The following COG5 variants were observed in gnomAD, a reference collection of about 807,000 sequenced individuals.
COG5 encodes conserved oligomeric Golgi complex subunit 5.
A neutral mutation model predicts 110.4 loss-of-function variants in COG5; 86 were observed. The ratio of observed to expected loss-of-function variants is 0.78; its 90% CI spans 0.65 to 0.93. The LOEUF (loss-of-function observed/expected upper bound fraction) is 0.93. Among genes scored for constraint, COG5 ranks in the 40% least tolerant of loss-of-function variants. The pLI, the probability that COG5 is intolerant of heterozygous loss-of-function variation, is 0.00. For missense variants in COG5, 1,077 were observed against 987.0 expected (o/e 1.09, Z -1.22); for synonymous variants, 360 against 334.6 (o/e 1.08, Z -0.83).
chr7:107,328,039 GT>G (rs1809920668), intron 10 of COG5, among the ~76,000 whole-genome samples: 2 of 152,110 alleles, frequency 1.3e-5, no homozygotes, highest in African/African-American at 4.8e-5. Context: ...CAACCCAAAT[GT>G]CTATCAAAGA....
intron 2 of COG5, among the ~76,000 whole-genome samples, chr7:107,555,309 T>C (rs1021058155): frequency 6.6e-6 from 1 of 152,182 alleles, no homozygotes; most frequent in Non-Finnish European, 1.5e-5. Context: ...AATGCAGGAA[T>C]CCTTATTATT....
intron 14 of COG5, among the ~76,000 whole-genome samples, chr7:107,276,229 G>C (rs1804692634): frequency 6.6e-6 from 1 of 152,102 alleles, no homozygotes; most frequent in African/African-American, 2.4e-5. Context: ...GTTTTTAAAA[G>C]GGATACTTAT....
At chr7:107,216,914 A>G (rs919643804) in intron 19 of COG5, among the ~76,000 whole-genome samples, 1 of 152,106 alleles carries the variant, frequency 6.6e-6, no homozygotes, top group Non-Finnish European at 1.5e-5. Context: ...AGACTAGAAA[A>G]CCAGGGGAAA....
chr7:107,423,121 T>C (rs1021178347), intron 6 of COG5, among the ~76,000 whole-genome samples: 60 of 150,724 alleles, frequency 4.0e-4, no homozygotes, highest in African/African-American at 1.4e-3. Context: ...ATTTCAAAGA[T>C]ACAAAGTTTG....
At chr7:107,487,654 TA>T (rs1229166421) in intron 6 of COG5, among the ~76,000 whole-genome samples, 3 of 150,540 alleles carry the variant, frequency 2.0e-5, no homozygotes, top group Non-Finnish European at 4.4e-5. Flanking sequence ...AAATGTATCA[TA>T]AGGAAAAAAA....
intron 1 of COG5, among the ~76,000 whole-genome samples, chr7:107,562,281 C>T (rs960536466): frequency 6.6e-6 from 1 of 152,158 alleles, no homozygotes; most frequent in Admixed American, 6.5e-5. Flanking sequence ...AGAGTATTTA[C>T]CGTCCAAGAA....
chr7:107,271,174 G>A lies in COG5; in HGVS notation c.1575+10126C>T, dbSNP rs75471804. ...AGGCAGAAAGATCCCTTGAGCTCAC[G>A]AGTTCCAGGCTGCAGTGAGCAAGGA... On this transcript the variant is annotated intron_variant, in intron 14 of 21. Transcript: ENST00000297135. Among the ~76,000 whole-genome samples the A allele has an allele frequency of 9.0e-3, 1,362 of 152,166 alleles. 28 individuals are homozygous for A. The highest frequency in any genetic ancestry group is 0.029 in the African/African-American group (1,221 of 41,500).
chr7:107,359,554 G>T (rs1812914175), intron 10 of COG5, among the ~76,000 whole-genome samples: 2 of 152,242 alleles, frequency 1.3e-5, no homozygotes, highest in South Asian at 4.1e-4. Context: ...CTGAAGCCTG[G>T]GGGCTGGACT....
intron 19 of COG5, among the ~76,000 whole-genome samples, chr7:107,219,128 A>C (rs1161926819): frequency 6.6e-6 from 1 of 152,222 alleles, no homozygotes; most frequent in Non-Finnish European, 1.5e-5. Context: ...AATGCAAATT[A>C]AAACCACAAT....
chr7:107,510,786 G>C lies in COG5; in HGVS notation c.538+16451C>G, dbSNP rs565700246. 4.6e-5 allele frequency among the ~76,000 whole-genome samples: 7 copies of C among 152,292 alleles called. No individual in the cohort carries two copies. The East Asian group carries it at 9.6e-4, about 21-fold the overall frequency. On this transcript the variant is annotated intron_variant, in intron 6 of 21. Transcript: ENST00000297135. Reference sequence around the variant, plus strand: ...CATGGAAACTGAACAACCTGCTCCAGAATGACTACTGGGTACATAACGAAA... The same window carrying C: ...CATGGAAACTGAACAACCTGCTCCACAATGACTACTGGGTACATAACGAAA...
At chr7:107,274,771 G>A (rs975239284) in intron 14 of COG5, among the ~76,000 whole-genome samples, 1 of 152,060 alleles carries the variant, frequency 6.6e-6, no homozygotes, top group African/African-American at 2.4e-5. Context: ...AACTAATACA[G>A]ACTTTGACCT....
intron 10 of COG5, among the ~76,000 whole-genome samples, chr7:107,325,349 G>A (rs58319984): frequency 0.18 from 27,461 of 152,096 alleles, 2,682 homozygotes; most frequent in Non-Finnish European, 0.22. Context: ...AACTTCATAT[G>A]GTTCAAAGTA....
intron 6 of COG5, among the ~76,000 whole-genome samples, chr7:107,452,691 G>C (rs888477696): frequency 6.6e-6 from 1 of 152,106 alleles, no homozygotes; most frequent in Non-Finnish European, 1.5e-5. Context: ...ATGTGAAACT[G>C]TAAGTCCATT....
intron 10 of COG5, among the ~76,000 whole-genome samples, chr7:107,346,227 G>C (rs933596039): frequency 6.6e-6 from 1 of 151,860 alleles, no homozygotes; most frequent in Non-Finnish European, 1.5e-5. Context: ...CATTTCTTTA[G>C]GCCTTCCCAT....
At chr7:107,544,611 A>G (rs1228220409) in intron 5 of COG5, among the ~76,000 whole-genome samples, 1 of 152,154 alleles carries the variant, frequency 6.6e-6, no homozygotes, top group African/African-American at 2.4e-5. Flanking sequence ...CCCACAGACC[A>G]CACCAGAAAG....
chr7:107,334,538 C>T (rs1810544457), intron 10 of COG5, among the ~76,000 whole-genome samples: 2 of 151,590 alleles, frequency 1.3e-5, no homozygotes, highest in South Asian at 2.1e-4. Flanking sequence ...CTAAAAGCAG[C>T]AAAAGAAACC....
At chr7:107,380,381 G>A (rs528120444) in intron 7 of COG5, among the ~76,000 whole-genome samples, 5 of 152,128 alleles carry the variant, frequency 3.3e-5, no homozygotes, top group African/African-American at 1.2e-4. Flanking sequence ...ACAGGAGCTG[G>A]TTTTGTTGAA....
At chr7:107,515,255 T>C (rs891546774) in intron 6 of COG5, among the ~76,000 whole-genome samples, 1 of 152,182 alleles carries the variant, frequency 6.6e-6, no homozygotes, top group Non-Finnish European at 1.5e-5. Flanking sequence ...GAATTAATGT[T>C]ATCATGAGAC....
At chr7:107,311,125 C>T (rs1268696997) in intron 11 of COG5, among the ~76,000 whole-genome samples, 1 of 152,090 alleles carries the variant, frequency 6.6e-6, no homozygotes, top group African/African-American at 2.4e-5. Flanking sequence ...TGCGATAGAT[C>T]CTTAAAAGTA....
Sources: allele counts gnomAD v4.1 joint callset (sites outside exome capture counted in the v4.1 genomes callset), GRCh38; gene constraint gnomAD v4.1.1; transcripts MANE v1.5; gene names NCBI Gene and HGNC (gene_info 2026-07-23, HGNC 2026-07-21).